The following DLGAP2 variants were observed in gnomAD, a reference collection of about 807,000 sequenced individuals.
DLGAP2 encodes disks large-associated protein 2.
DLGAP2 carries 26 observed loss-of-function variants against 100.3 expected under a neutral mutation model. The ratio of observed to expected loss-of-function variants is 0.26; its 90% CI spans 0.19 to 0.36. The LOEUF (loss-of-function observed/expected upper bound fraction) is 0.36, where lower values mean the gene tolerates loss of function less well. Among genes scored for constraint, DLGAP2 ranks in the 10% least tolerant of loss-of-function variants. The pLI is 1.00. For missense variants in DLGAP2, 1,858 were observed against 1,453.2 expected, an observed-to-expected ratio of 1.28 and a Z score of -4.53; for synonymous variants, 886 against 630.1, an observed-to-expected ratio of 1.41 and a Z score of -6.08.
chr8:817,752 C>T (rs928279055), intron 1 of DLGAP2, among the ~76,000 whole-genome samples: 4 of 152,272 alleles, frequency 2.6e-5, no homozygotes, highest in African/African-American at 4.8e-5. Context: ...TCCAGCCACC[C>T]GGTGGAGCTA....
At chr8:1,174,311 AT>A (rs1797203740) in intron 2 of DLGAP2, among the ~76,000 whole-genome samples, 1 of 152,008 alleles carries the variant, frequency 6.6e-6, no homozygotes, top group Non-Finnish European at 1.5e-5. Context: ...CGTCATTACC[AT>A]TACCAAAATC....
At chr8:1,616,156 A>T (rs1013178075) in intron 6 of DLGAP2, among the ~76,000 whole-genome samples, 3 of 152,190 alleles carry the variant, frequency 2.0e-5, no homozygotes, top group Non-Finnish European at 4.4e-5. Flanking sequence ...AGAGAGCAGG[A>T]AAAAAGCTTA....
intron 3 of DLGAP2, among the ~76,000 whole-genome samples, chr8:1,303,361 C>T (rs1257078191): frequency 1.4e-5 from 2 of 147,948 alleles, no homozygotes; most frequent in South Asian, 2.2e-4. Flanking sequence ...CGCGCCACCG[C>T]ACTCCAGCCT....
intron 2 of DLGAP2, among the ~76,000 whole-genome samples, chr8:1,245,970 T>C (rs1000911618): frequency 6.6e-6 from 1 of 152,164 alleles, no homozygotes; most frequent in African/African-American, 2.4e-5. Context: ...CCTCAGCATT[T>C]AGGAAATGCA....
Position 1,251,973 on chromosome 8 carries a change from C to G in DLGAP2, c.74-6878C>G, listed in dbSNP as rs1799050957. 2.6e-5 allele frequency among the ~76,000 whole-genome samples: 4 copies of G among 152,358 alleles called. No homozygotes were observed. In the South Asian group the frequency reaches 8.3e-4, roughly 32 times the overall value. On this transcript the variant is annotated intron_variant, in intron 2 of 14. Transcript: ENST00000637795. ...TCATGGTGTCACAGTCATGTCATGT[C>G]ACACTTGTCACACTGTGGTGTTGTC... is the stretch of plus-strand genomic sequence containing the variant.
At chr8:1,205,383 C>T (rs1327633654) in intron 2 of DLGAP2, among the ~76,000 whole-genome samples, 2 of 151,072 alleles carry the variant, frequency 1.3e-5, no homozygotes, top group Non-Finnish European at 3.0e-5. Flanking sequence ...GCAGGCTCTT[C>T]CTGAAAAGGC....
intron 2 of DLGAP2, among the ~76,000 whole-genome samples, chr8:1,152,353 C>G (rs547031876): frequency 6.6e-6 from 1 of 152,310 alleles, no homozygotes; most frequent in South Asian, 2.1e-4. Context: ...GCTAGAACTA[C>G]CATCATTAAA....
At chr8:1,419,856 C>T (rs1797041131) in intron 3 of DLGAP2, among the ~76,000 whole-genome samples, 1 of 152,180 alleles carries the variant, frequency 6.6e-6, no homozygotes, top group African/African-American at 2.4e-5. Flanking sequence ...ACTGAGTGTA[C>T]AGCCAAAAGA....
chr8:1,187,507 G>A (rs1350543661), intron 2 of DLGAP2, among the ~76,000 whole-genome samples: 2 of 136,822 alleles, frequency 1.5e-5, no homozygotes, highest in African/African-American at 6.1e-5. Flanking sequence ...CGGGACCTCC[G>A]TGACGTTTGC....
At chr8:1,004,787 G>A (rs111669651) in intron 2 of DLGAP2, among the ~76,000 whole-genome samples, 2,629 of 152,304 alleles carry the variant, frequency 0.017, 85 homozygotes, top group African/African-American at 0.06. Context: ...GCCCTTGGTG[G>A]AGAGACCCCC....
chr8:1,163,373 G>C (rs1420217646), intron 2 of DLGAP2, among the ~76,000 whole-genome samples: 1 of 152,222 alleles, frequency 6.6e-6, no homozygotes, highest in African/African-American at 2.4e-5. Flanking sequence ...CCGCTCAGCG[G>C]GTCCGCGGTT....
chr8:1,462,978 G>C (rs972690643), intron 3 of DLGAP2, among the ~76,000 whole-genome samples: 1 of 152,232 alleles, frequency 6.6e-6, no homozygotes, highest in Non-Finnish European at 1.5e-5. Flanking sequence ...GCCAGGCGTA[G>C]TGGCTCACGC....
chr8:1,139,092 C>A (rs929540260), intron 2 of DLGAP2, among the ~76,000 whole-genome samples: 2 of 152,236 alleles, frequency 1.3e-5, no homozygotes, highest in African/African-American at 4.8e-5. Context: ...TCAGGTGTTT[C>A]CTCGGGTGAT....
rs748504156 is a variant in DLGAP2 at position 1,549,212 on chromosome 8, CGCCAACGGCACCAAG to C, written c.762_776del (p.Asn255_Ala259del). On this transcript the variant is annotated inframe_deletion, in exon 5 of 15. Transcript: ENST00000637795. Reference sequence around the variant, plus strand: ...CGCTGGAGGGCTCCTCCAAAAGCAACGCCAACGGCACCAAGGCGGACGGCCGGGCGGACGACCACC... The same window carrying C: ...CGCTGGAGGGCTCCTCCAAAAGCAACGCGGACGGCCGGGCGGACGACCACC... 11 of 1,602,560 alleles carry C rather than the reference CGCCAACGGCACCAAG, an allele frequency of 6.9e-6. No individual in the cohort carries two copies. The highest frequency in any genetic ancestry group is 9.4e-6 in the Non-Finnish European group (11 of 1,175,420).
chr8:1,323,276 C>T (rs1213144473), intron 3 of DLGAP2, among the ~76,000 whole-genome samples: 8 of 152,122 alleles, frequency 5.3e-5, no homozygotes, highest in South Asian at 2.1e-4. Flanking sequence ...GCAATCCACC[C>T]GCCTCAGCCT....
chr8:1,064,143 C>T (rs754488961), intron 2 of DLGAP2, among the ~76,000 whole-genome samples: 20 of 152,094 alleles, frequency 1.3e-4, no homozygotes, highest in African/African-American at 4.1e-4. Context: ...GCTGGTGGGG[C>T]GGTGTGGGAC....
At chr8:1,107,997 C>T (rs1192110484) in intron 2 of DLGAP2, among the ~76,000 whole-genome samples, 1 of 152,146 alleles carries the variant, frequency 6.6e-6, no homozygotes, top group Admixed American at 6.5e-5. Context: ...AGAGAATAGT[C>T]GTAGTTGAGC....
chr8:1,362,681 C>G (rs1228761891), intron 3 of DLGAP2, among the ~76,000 whole-genome samples: 1 of 152,180 alleles, frequency 6.6e-6, no homozygotes, highest in Admixed American at 6.5e-5. Flanking sequence ...GTGCTGAGCC[C>G]CGAAATAACC....
At chr8:1,516,367 ATGAG>A (rs368408754) in intron 4 of DLGAP2, among the ~76,000 whole-genome samples, 47 of 139,308 alleles carry the variant, frequency 3.4e-4, no homozygotes, top group Middle Eastern at 4.6e-3. Context: ...GAGGGAGTGA[ATGAG>A]TGAGTGAGTG....
Sources: gnomAD v4.1 joint callset for allele counts (sites outside exome capture counted in the v4.1 genomes callset) on GRCh38, gnomAD v4.1.1 for gene constraint, MANE v1.5 for transcripts, NCBI Gene and HGNC (gene_info 2026-07-23, HGNC 2026-07-21) for gene names.